Variants in FMNL2 observed in about 807,000 individuals in gnomAD.
FMNL2 encodes the protein formin like 2.
A neutral mutation model predicts 130.2 loss-of-function variants in FMNL2; 51 were observed. The ratio of observed to expected loss-of-function variants is 0.39; its 90% confidence interval spans 0.31 to 0.49. The LOEUF is 0.49. Ranked by LOEUF, FMNL2 falls within the 20% of genes least tolerant of loss-of-function variation. The pLI is 0.85. For synonymous variants in FMNL2, 465 were observed against 467.1 expected, an observed-to-expected ratio of 1.00 and a Z score of 0.06; for missense variants, 977 against 1,316.2, an observed-to-expected ratio of 0.74 and a Z score of 3.99.
chr2:152,543,941 A>G (rs1694473555), intron 3 of FMNL2, among the ~76,000 whole-genome samples: 1 of 152,148 alleles, frequency 6.6e-6, no homozygotes, highest in Non-Finnish European at 1.5e-5. Flanking sequence ...CGTACCTGTC[A>G]AAGTATCATG....
rs148249353 is a variant in FMNL2, at chr2:152,558,823, C to T, written c.443C>T (p.Thr148Ile). 6.2e-6 allele frequency: 10 copies of T among 1,611,346 alleles called. No homozygotes were observed. Among genetic ancestry groups the T allele is most frequent in the East Asian group, 4.5e-5 (2 of 44,774 alleles). The change falls in exon 5 of 26, where the codon ACT becomes ATT. Residue 148 changes from threonine to isoleucine, a missense_variant and splice_region_variant. Around this residue, in one of 4 missense-constraint regions of FMNL2, gnomAD observed 689 missense variants for 995.9 expected, o/e 0.69. Transcript: ENST00000288670. ...CTCTCATTTGCACAGTACGCGGTAA[C>T]GTAAGTAAAACTTGGCTTGCTTGCA... Reference protein sequence around the residue: ...EYLSFAQYAVTFDFESVESTV... With the variant: ...EYLSFAQYAVIFDFESVESTV...
rs117636677 is a variant in FMNL2, at chr2:152,363,868, A to G, written c.117+28148A>G. ...GTGAGCCACTGTGCCCGACTGCAGT[A>G]GGCTGAGTTTTCTACTTGGTGTCTG... On this transcript the variant is annotated intron_variant, in intron 1 of 25. Coordinates refer to ENST00000288670, the MANE Select transcript of FMNL2 (RefSeq NM_052905.4). Among the ~76,000 whole-genome samples the G allele has an allele frequency of 8.5e-4, 129 of 152,326 alleles. 4 individuals are homozygous for G. In the East Asian group the frequency reaches 0.022, roughly 26 times the overall value.
intron 9 of FMNL2, among the ~76,000 whole-genome samples, chr2:152,588,716 A>G (rs1377038861): frequency 1.3e-5 from 2 of 152,134 alleles, no homozygotes; most frequent in Non-Finnish European, 2.9e-5. Flanking sequence ...TAAAGAGCTT[A>G]GGGCATGGGA....
intron 1 of FMNL2, among the ~76,000 whole-genome samples, chr2:152,469,772 G>A (rs1423844141): frequency 6.6e-6 from 1 of 152,118 alleles, no homozygotes; most frequent in Non-Finnish European, 1.5e-5. Flanking sequence ...AGAAAATAAT[G>A]TCTCCGTCCT....
At chr2:152,343,261 G>A (rs901233561) in intron 1 of FMNL2, among the ~76,000 whole-genome samples, 1 of 152,032 alleles carries the variant, frequency 6.6e-6, no homozygotes, top group African/African-American at 2.4e-5. Context: ...GATGCCCATG[G>A]CTTGGTTTTG....
At chr2:152,527,567 C>T (rs1253226935) in intron 2 of FMNL2, among the ~76,000 whole-genome samples, 1 of 152,038 alleles carries the variant, frequency 6.6e-6, no homozygotes, top group Non-Finnish European at 1.5e-5. Flanking sequence ...AATTTTTCCC[C>T]TCAATTGCCA....
intron 1 of FMNL2, among the ~76,000 whole-genome samples, chr2:152,429,229 A>G (rs948742477): frequency 1.1e-4 from 16 of 152,070 alleles, no homozygotes; most frequent in Non-Finnish European, 1.8e-4. Context: ...AAAAAAAAAA[A>G]AAAAAGAAAG....
rs79308107 is a variant in FMNL2 at position 152,544,953 on chromosome 2, G to A, written c.282+2134G>A. Among the ~76,000 whole-genome samples, 674 of 152,316 alleles carry A rather than the reference G, an allele frequency of 4.4e-3. 6 individuals are homozygous for A. Among genetic ancestry groups the A allele is most frequent in the African/African-American group, 0.015 (616 of 41,558 alleles). The stretch of plus-strand genomic sequence containing the variant: ...TTTGCTTCCTCACAAATAATAAACT[G>A]GAGCAGGACATAAGATGTCTGTTTG... On this transcript the variant is annotated intron_variant, in intron 3 of 25. Transcript: ENST00000288670.
chr2:152,504,370 C>T (rs1260669259), intron 1 of FMNL2, among the ~76,000 whole-genome samples: 1 of 151,862 alleles, frequency 6.6e-6, no homozygotes, highest in Non-Finnish European at 1.5e-5. Context: ...TCTCAGCCTC[C>T]TGAGTAGCTG....
chr2:152,586,118 A>G (rs904419867), intron 9 of FMNL2, among the ~76,000 whole-genome samples: 6 of 152,124 alleles, frequency 3.9e-5, no homozygotes, highest in African/African-American at 1.4e-4. Flanking sequence ...CTGTATTCTC[A>G]TCTGCTTCTG....
chr2:152,443,558 T>C (rs1688175521), intron 1 of FMNL2, among the ~76,000 whole-genome samples: 1 of 150,626 alleles, frequency 6.6e-6, no homozygotes. Context: ...GGGAGGAGAG[T>C]AGAGCTGGGC....
chr2:152,632,939 G>T (rs1195095848), intron 21 of FMNL2, among the ~76,000 whole-genome samples: 2 of 152,128 alleles, frequency 1.3e-5, no homozygotes, highest in Non-Finnish European at 2.9e-5. Context: ...GGTACCTCAG[G>T]CATCTGGAAT....
In FMNL2 at chr2:152,335,589, C is replaced by T; in HGVS notation, c.-15C>T. ...AGGGGCCCGGAGCAGCCCCCGGCCC[C>T]GGCGCGCCGCCGACATGGGCAACGC... On this transcript the variant is annotated 5_prime_UTR_variant, in exon 1 of 26. Transcript: ENST00000288670. 1 of 1,579,716 alleles carries T rather than the reference C, an allele frequency of 6.3e-7. No homozygotes were observed. Among genetic ancestry groups the T allele is most frequent in the Non-Finnish European group, 8.6e-7 (1 of 1,162,518 alleles).
At chr2:152,632,912 A>T (rs1170444480) in intron 21 of FMNL2, among the ~76,000 whole-genome samples, 1 of 152,142 alleles carries the variant, frequency 6.6e-6, no homozygotes. Context: ...GTTTATTATA[A>T]ATTCAGATTC....
chr2:152,389,961 G>A (rs1407901248), intron 1 of FMNL2: 4 of 1,323,650 alleles, frequency 3.0e-6, no homozygotes, highest in African/African-American at 2.9e-5. Flanking sequence ...AGACCTCGGG[G>A]CCCCAGATAA....
intron 17 of FMNL2, among the ~76,000 whole-genome samples, chr2:152,627,083 G>A (rs967257015): frequency 1.1e-4 from 16 of 152,234 alleles, no homozygotes; most frequent in South Asian, 2.1e-4. Flanking sequence ...TGAGCTGAGC[G>A]TGGCAGATGT....
chr2:152,640,845 A>T lies in FMNL2; in HGVS notation c.3100A>T (p.Arg1034Ter). The T allele has an allele frequency of 6.2e-7, 1 of 1,613,926 alleles. No individual in the cohort carries two copies. Among genetic ancestry groups the T allele is most frequent in the Non-Finnish European group, 8.5e-7 (1 of 1,179,832 alleles). The change falls in exon 25 of 26, where the codon AGA (arginine) becomes TGA (stop). Residue 1034 changes from arginine to a stop codon, truncating the protein, a stop_gained. Coordinates refer to ENST00000288670, the MANE Select transcript of FMNL2 (RefSeq NM_052905.4). LOFTEE classifies it high-confidence loss of function. ...GCAAGAGTTAATTGCAGAATTAAGA[A>T]GACGACAAGTTAAAGATAACAGACA... is the stretch of plus-strand genomic sequence containing the variant. The part of the protein sequence containing the change: ...QQQELIAELR[R>*]RQVKDNRHVY...
intron 2 of FMNL2, among the ~76,000 whole-genome samples, chr2:152,522,569 C>G (rs2105405172): frequency 6.6e-6 from 1 of 152,212 alleles, no homozygotes; most frequent in South Asian, 2.1e-4. Context: ...GGGGGCAGGT[C>G]TTTCCTATGC....
chr2:152,597,702 T>G (rs1038299873), intron 9 of FMNL2, among the ~76,000 whole-genome samples: 3 of 152,172 alleles, frequency 2.0e-5, no homozygotes, highest in Admixed American at 6.5e-5. Flanking sequence ...CTTAGTAGTA[T>G]TATACAAATA....
Sources: allele counts gnomAD v4.1 joint callset (sites outside exome capture counted in the v4.1 genomes callset), GRCh38; gene constraint gnomAD v4.1.1; regional missense constraint gnomAD v4.1.1; transcripts MANE v1.5; gene names NCBI Gene and HGNC (gene_info 2026-07-23, HGNC 2026-07-21).